AAMDC: variants seen among roughly 807,000 people sequenced by gnomAD.
AAMDC encodes the protein mth938 domain-containing protein.
A neutral mutation model predicts 15.5 loss-of-function variants in AAMDC; 16 were observed. The ratio of observed to expected loss-of-function variants is 1.03; its 90% CI spans 0.70 to 1.57. The LOEUF is 1.57. Ranked by LOEUF, AAMDC falls within the 40% of genes most tolerant of loss-of-function variation. The pLI, the probability that AAMDC is intolerant of heterozygous loss-of-function variation, is 0.00. For synonymous variants in AAMDC, 51 were observed against 51.6 expected, an observed-to-expected ratio of 0.99 and a Z score of 0.05; for missense variants, 141 against 144.9, an observed-to-expected ratio of 0.97 and a Z score of 0.14.
At chr11:77,886,590 T>A (rs1952018519) in intron 5 of AAMDC, among the ~76,000 whole-genome samples, 1 of 152,086 alleles carries the variant, frequency 6.6e-6, no homozygotes, top group South Asian at 2.1e-4. Flanking sequence ...CGCACATGAA[T>A]GGATGAACGA....
intron 1 of AAMDC, among the ~76,000 whole-genome samples, chr11:77,832,654 A>C (rs1949487887): frequency 6.6e-6 from 1 of 151,786 alleles, no homozygotes; most frequent in Non-Finnish European, 1.5e-5. Context: ...TTATTCTTCA[A>C]ATGTATTTCC....
chr11:77,883,701 T>C, intron 5 of AAMDC: 1 of 982,712 alleles, frequency 1.0e-6, no homozygotes, highest in Non-Finnish European at 1.5e-6. Flanking sequence ...GCTTATAAAC[T>C]CATTAAGTTC....
chr11:77,836,892 G>A (rs958434165), intron 1 of AAMDC, among the ~76,000 whole-genome samples: 1 of 152,124 alleles, frequency 6.6e-6, no homozygotes, highest in Non-Finnish European at 1.5e-5. Flanking sequence ...TTGAACCCGG[G>A]AGGCGGAGGT....
intron 5 of AAMDC, among the ~76,000 whole-genome samples, chr11:77,892,183 C>T (rs1392841486): frequency 1.3e-5 from 2 of 152,094 alleles, no homozygotes; most frequent in East Asian, 1.9e-4. Flanking sequence ...ACCTACGAAG[C>T]GCCAAGCACT....
At position 77,878,687 on chromosome 11, in the gene AAMDC, C is replaced by T. The variant is rs565807452; in HGVS notation, c.328+1638C>T. Reference sequence around the variant, plus strand: ...TATAAAAGCTGAAGCTATAGCCACACGCATTTCTTTACAGACCAGGAACTA... The same window carrying T: ...TATAAAAGCTGAAGCTATAGCCACATGCATTTCTTTACAGACCAGGAACTA... On this transcript the variant is annotated intron_variant, in intron 5 of 5. Transcript: ENST00000304716. 123 of 681,764 alleles carry T rather than the reference C, an allele frequency of 1.8e-4. No homozygotes were observed. In the Middle Eastern group the frequency reaches 3.5e-3, roughly 20 times the overall value. 42.2% of individuals were successfully genotyped at this position (681,764 alleles called of 1,614,324 possible).
At chr11:77,858,720 G>C (rs895223513) in intron 2 of AAMDC, among the ~76,000 whole-genome samples, 35 of 152,268 alleles carry the variant, frequency 2.3e-4, no homozygotes, top group African/African-American at 7.9e-4. Context: ...AGTAGGGGTT[G>C]TGCAGTTGAG....
intron 2 of AAMDC, among the ~76,000 whole-genome samples, chr11:77,864,963 T>G (rs1418408865): frequency 6.6e-6 from 1 of 152,032 alleles, no homozygotes; most frequent in African/African-American, 2.4e-5. Context: ...AGTGACAGAG[T>G]GAGACCCTGT....
At chr11:77,903,449 G>C, downstream of AAMDC, 1 of 1,605,790 alleles carries the variant, frequency 6.2e-7, no homozygotes, top group Non-Finnish European at 8.5e-7. Context: ...GGCCTACACA[G>C]ACAGAGCTAT....
chr11:77,899,091 AG>A lies in AAMDC; in HGVS notation c.329-1478del, dbSNP rs1441178263. The stretch of plus-strand genomic sequence containing the variant: ...CAATAACCCTTACAATAACCCTGTG[AG>A]GAAGAGATAGGTACTACTATTATCT... On this transcript the variant is annotated intron_variant, in intron 5 of 5. Transcript: ENST00000304716. Among the ~76,000 whole-genome samples the A allele has an allele frequency of 6.6e-5, 10 of 152,274 alleles. No homozygotes were observed. The Middle Eastern group carries it at 0.01, about 155-fold the overall frequency.
intron 2 of AAMDC, among the ~76,000 whole-genome samples, chr11:77,865,986 T>G (rs1951091376): frequency 6.6e-6 from 1 of 152,142 alleles, no homozygotes; most frequent in Non-Finnish European, 1.5e-5. Flanking sequence ...AGAATGTGAC[T>G]CAGGCAGTGT....
chr11:77,855,162 C>T (rs1325346382), intron 2 of AAMDC, among the ~76,000 whole-genome samples: 1 of 152,224 alleles, frequency 6.6e-6, no homozygotes, highest in Non-Finnish European at 1.5e-5. Flanking sequence ...TTATTTCCTC[C>T]TAGGCCTCCA....
chr11:77,835,936 A>G (rs1949663615), intron 1 of AAMDC, among the ~76,000 whole-genome samples: 4 of 152,144 alleles, frequency 2.6e-5, no homozygotes, highest in Non-Finnish European at 5.9e-5. Context: ...AATAATAAAA[A>G]TAAAGTTGGA....
intron 1 of AAMDC, among the ~76,000 whole-genome samples, chr11:77,835,522 A>T (rs1205658961): frequency 6.6e-6 from 1 of 152,144 alleles, no homozygotes; most frequent in Non-Finnish European, 1.5e-5. Context: ...CCTCGTTGAT[A>T]CTCCCAAAAA....
intron 5 of AAMDC, chr11:77,891,491 T>C (rs1186767627): frequency 6.2e-7 from 1 of 1,612,360 alleles, no homozygotes. Flanking sequence ...TCCTATGATT[T>C]TAAAGCCAGG....
chr11:77,859,887 T>C (rs910760723), intron 2 of AAMDC, among the ~76,000 whole-genome samples: 1 of 152,250 alleles, frequency 6.6e-6, no homozygotes, highest in African/African-American at 2.4e-5. Flanking sequence ...AGTAAATGGT[T>C]GTCTGACAGC....
chr11:77,862,440 G>A (rs1418458386), intron 2 of AAMDC, among the ~76,000 whole-genome samples: 1 of 152,188 alleles, frequency 6.6e-6, no homozygotes, highest in East Asian at 1.9e-4. Flanking sequence ...TCAAGTCTGA[G>A]AGAGAAAAAG....
At chr11:77,867,665 T>C (rs1432682866) in intron 2 of AAMDC, among the ~76,000 whole-genome samples, 1 of 152,180 alleles carries the variant, frequency 6.6e-6, no homozygotes, top group Non-Finnish European at 1.5e-5. Flanking sequence ...TGCAGAAACA[T>C]AACAGGTGGA....
At chr11:77,841,234 C>A (rs1204289312) in intron 1 of AAMDC, 1 of 702,342 alleles carries the variant, frequency 1.4e-6, no homozygotes. Context: ...GGTCCCACCT[C>A]TTAATGTTGT....
chr11:77,880,457 A>G (rs1951749171), intron 5 of AAMDC, among the ~76,000 whole-genome samples: 1 of 152,204 alleles, frequency 6.6e-6, no homozygotes, highest in South Asian at 2.1e-4. Context: ...GCACACACTC[A>G]CATGACAACA....
Sources: gnomAD v4.1 joint callset for allele counts (sites outside exome capture counted in the v4.1 genomes callset) on GRCh38, gnomAD v4.1.1 for gene constraint, MANE v1.5 for transcripts, NCBI Gene and HGNC (gene_info 2026-07-23, HGNC 2026-07-21) for gene names.